Variants in NUP93 observed in about 807,000 individuals in gnomAD.
NUP93 encodes the protein nuclear pore complex protein Nup93.
NUP93 carries 55 observed loss-of-function variants against 107.8 expected under a neutral mutation model. The ratio of observed to expected loss-of-function variants is 0.51; its 90% CI spans 0.41 to 0.64. The LOEUF (loss-of-function observed/expected upper bound fraction) is 0.64, where lower values mean the gene tolerates loss of function less well. NUP93 is among the 30% of genes least tolerant of loss of function. The pLI, the probability that NUP93 is intolerant of heterozygous loss-of-function variation, is 0.00. For missense variants in NUP93, 937 were observed against 1,044.7 expected, an observed-to-expected ratio of 0.90 and a Z score of 1.42; for synonymous variants, 390 against 397.5, an observed-to-expected ratio of 0.98 and a Z score of 0.22.
intron 3 of NUP93, among the ~76,000 whole-genome samples, chr16:56,759,741 C>A (rs1567378631): frequency 6.6e-6 from 1 of 151,782 alleles, no homozygotes; most frequent in African/African-American, 2.4e-5. Context: ...TTGAGGCTCT[C>A]TGTTAACAAA....
In NUP93 at chr16:56,847,827, TAC is replaced by T. The variant is rs1964134011; in HGVS notation, c.*3220_*3221del. ...ACCCAGCTCCTGTCCTCCGCGAACTTACAGTCTAATTAGAGCCTCTTAAGGAC... is the reference window on the plus strand; with the variant it reads ...ACCCAGCTCCTGTCCTCCGCGAACTTAGTCTAATTAGAGCCTCTTAAGGAC... On this transcript the variant is annotated 3_prime_UTR_variant, in exon 22 of 22. Transcript: ENST00000308159. 6.6e-6 allele frequency: 1 copy of T among 152,206 alleles called. No homozygotes were observed. The highest frequency in any genetic ancestry group is 1.5e-5 in the Non-Finnish European group (1 of 68,042). The allele number at this position is 152,206 out of a possible 1,614,324, so 9.4% of individuals were successfully genotyped here.
intron 1 of NUP93, 106 bp downstream of exon 1, chr16:56,730,317 A>G (rs1368449872): frequency 3.9e-5 from 6 of 152,312 alleles, no homozygotes; most frequent in Admixed American, 2.6e-4. Flanking sequence ...CCCGCCGCTC[A>G]TACTTCCCGT....
chr16:56,841,904 A>G (rs1419124367), intron 21 of NUP93, 71 bp downstream of exon 21: 3 of 1,569,144 alleles, frequency 1.9e-6, no homozygotes, highest in Non-Finnish European at 2.6e-6. Context: ...TTGCGCTCTT[A>G]TGAGACCACA....
intron 6 of NUP93, among the ~76,000 whole-genome samples, chr16:56,820,724 A>G (rs765857846): frequency 9.2e-5 from 14 of 152,226 alleles, no homozygotes; most frequent in Non-Finnish European, 1.6e-4. Context: ...GTCTAACATC[A>G]CTACTATGGG....
intron 20 of NUP93, among the ~76,000 whole-genome samples, chr16:56,841,360 A>AT (rs3214653): frequency 0.42 from 63,966 of 151,938 alleles, 13,641 homozygotes; most frequent in East Asian, 0.61. Context: ...ACCTCCTGAC[A>AT]TTCAAGTTCA....
rs1567418481 is a variant in NUP93, at chr16:56,849,222, G to A, written c.*4613G>A. ...AATAATGTCTCCCAGGATCAAATGAGACTCAGGGCTGTTCCTTCAAAGACA... is the reference window on the plus strand; with the variant it reads ...AATAATGTCTCCCAGGATCAAATGAAACTCAGGGCTGTTCCTTCAAAGACA... On this transcript the variant is annotated 3_prime_UTR_variant, in exon 22 of 22. Coordinates refer to ENST00000308159, the MANE Select transcript of NUP93 (RefSeq NM_014669.5). 6.6e-6 allele frequency: 1 copy of A among 152,240 alleles called. No individual in the cohort carries two copies. Among genetic ancestry groups the A allele is most frequent in the African/African-American group, 2.4e-5 (1 of 41,454 alleles). The allele number at this position is 152,240 out of a possible 1,614,324, so 9.4% of individuals were successfully genotyped here.
chr16:56,763,171 G>A (rs1962155947), intron 3 of NUP93, among the ~76,000 whole-genome samples: 1 of 152,022 alleles, frequency 6.6e-6, no homozygotes, highest in Non-Finnish European at 1.5e-5. Context: ...CATATCCATG[G>A]GCAGTATTGG....
chr16:56,803,755 TA>T (rs1159909190), intron 4 of NUP93, among the ~76,000 whole-genome samples: 3 of 151,592 alleles, frequency 2.0e-5, no homozygotes, highest in Non-Finnish European at 4.4e-5. Context: ...AAAATATATA[TA>T]TATATATATA....
At chr16:56,799,501 G>A (rs1291652263) in intron 4 of NUP93, among the ~76,000 whole-genome samples, 1 of 152,094 alleles carries the variant, frequency 6.6e-6, no homozygotes, top group African/African-American at 2.4e-5. Context: ...GGGCCACTGG[G>A]GCCTTTTGAT....
chr16:56,818,764 A>G (rs1596836902), intron 6 of NUP93, 26 bp downstream of exon 6: 4 of 1,599,240 alleles, frequency 2.5e-6, no homozygotes, highest in South Asian at 1.1e-5. Flanking sequence ...AGGGGGATTA[A>G]GCCAGGAAAA....
chr16:56,808,128 AT>A (rs1321763672), intron 5 of NUP93, among the ~76,000 whole-genome samples: 1 of 119,854 alleles, frequency 8.3e-6, no homozygotes, highest in African/African-American at 3.1e-5. Flanking sequence ...ATATAACTAT[AT>A]AAATATATTT....
In NUP93 at chr16:56,798,844, G is replaced by A. The variant is rs569262783; in HGVS notation, c.360+306G>A. Among the ~76,000 whole-genome samples, 40 of 149,966 alleles carry A rather than the reference G, an allele frequency of 2.7e-4. 1 individual carries two copies. The South Asian group carries it at 8.3e-3, about 31-fold the overall frequency. ...CGCGCCACTGCACTTCATCCTGGGG[G>A]ACAGAATGAGGAGCGAGACCCTGTC... On this transcript the variant is annotated intron_variant, in intron 4 of 21. Transcript: ENST00000308159.
intron 3 of NUP93, chr16:56,781,887 C>T (rs1567386021): frequency 9.1e-6 from 9 of 985,154 alleles, no homozygotes; most frequent in South Asian, 4.7e-5. Context: ...ATTTGTGTAG[C>T]GCACAACGAA....
intron 1 of NUP93, among the ~76,000 whole-genome samples, chr16:56,737,838 G>C (rs577698668): frequency 6.6e-6 from 1 of 152,164 alleles, no homozygotes; most frequent in Non-Finnish European, 1.5e-5. Context: ...GTTAGAATCC[G>C]CACACCTTCT....
chr16:56,786,901 T>C (rs1214646163), intron 3 of NUP93, among the ~76,000 whole-genome samples: 4 of 152,232 alleles, frequency 2.6e-5, no homozygotes, highest in African/African-American at 9.6e-5. Flanking sequence ...TCAGGCAATT[T>C]GTATTTGAAT....
At chr16:56,802,255 A>C (rs894288662) in intron 4 of NUP93, among the ~76,000 whole-genome samples, 1 of 152,128 alleles carries the variant, frequency 6.6e-6, no homozygotes, top group Non-Finnish European at 1.5e-5. Flanking sequence ...TGTGGCTCAC[A>C]CTTGTCCATT....
At chr16:56,808,168 T>G (rs1567398329) in intron 5 of NUP93, among the ~76,000 whole-genome samples, 7 of 130,170 alleles carry the variant, frequency 5.4e-5, no homozygotes, top group Non-Finnish European at 1.1e-4. Context: ...TATAGTTATA[T>G]AACTATATAA....
intron 1 of NUP93, among the ~76,000 whole-genome samples, chr16:56,741,203 A>C (rs1327816389): frequency 1.3e-5 from 2 of 152,258 alleles, no homozygotes; most frequent in Admixed American, 6.5e-5. Context: ...ATTTGGGATT[A>C]AATATTTACT....
At chr16:56,760,405 G>A (rs1227118198) in intron 3 of NUP93, among the ~76,000 whole-genome samples, 2 of 152,088 alleles carry the variant, frequency 1.3e-5, no homozygotes, top group Non-Finnish European at 2.9e-5. Flanking sequence ...CTGAGACTGG[G>A]TAATATATAA....
Sources: gnomAD v4.1 joint callset for allele counts (sites outside exome capture counted in the v4.1 genomes callset) on GRCh38, gnomAD v4.1.1 for gene constraint, MANE v1.5 for transcripts, NCBI Gene and HGNC (gene_info 2026-07-23, HGNC 2026-07-21) for gene names.